Variants in UBE2G2 observed in about 807,000 individuals in gnomAD.
UBE2G2 encodes ubiquitin conjugating enzyme E2 G2.
UBE2G2 carries 10 observed loss-of-function variants against 23.0 expected under a neutral mutation model. The ratio of observed to expected loss-of-function variants is 0.43; its 90% CI spans 0.27 to 0.74. The LOEUF (loss-of-function observed/expected upper bound fraction) is 0.74, where lower values mean the gene tolerates loss of function less well. Among genes scored for constraint, UBE2G2 ranks in the 30% least tolerant of loss-of-function variants. The probability of loss-of-function intolerance (pLI) is 0.19; values close to 1 mark genes in which losing one functional copy is unlikely to be tolerated. For missense variants in UBE2G2, 150 were observed against 218.3 expected (o/e 0.69, Z 1.97); for synonymous variants, 86 against 81.3 (o/e 1.06, Z -0.31).
chr21:44,785,846 C>T (rs1249123037), intron 3 of UBE2G2: 4 of 152,196 alleles, frequency 2.6e-5, no homozygotes, highest in Non-Finnish European at 5.9e-5. Flanking sequence ...AGGGGAATTC[C>T]AAACTAATGC....
chr21:44,801,813 CG>C lies in UBE2G2; in HGVS notation c.-66del. The C allele has an allele frequency of 2.7e-6, 4 of 1,484,506 alleles. No individual in the cohort carries two copies. The highest frequency in any genetic ancestry group is 3.6e-6 in the Non-Finnish European group (4 of 1,122,382). 92.0% of individuals were successfully genotyped at this position (1,484,506 alleles called of 1,614,324 possible). On this transcript the variant is annotated 5_prime_UTR_variant, in exon 1 of 6. Coordinates refer to ENST00000345496, the MANE Select transcript of UBE2G2 (RefSeq NM_003343.6). ...GCGCGCGTGCCTCCTGCCCCGACAC[CG>C]GGGACTGCTTCCGGGCCACCGTCGC...
At chr21:44,790,192 T>C (rs781799213) in intron 1 of UBE2G2, among the ~76,000 whole-genome samples, 4 of 152,142 alleles carry the variant, frequency 2.6e-5, no homozygotes, top group Non-Finnish European at 4.4e-5. Context: ...ATGGCCAAAA[T>C]TAAAGACTTA....
intron 4 of UBE2G2, among the ~76,000 whole-genome samples, chr21:44,776,436 G>A (rs1555960584): frequency 6.6e-6 from 1 of 152,048 alleles, no homozygotes; most frequent in African/African-American, 2.4e-5. Context: ...TTTTTCAAGA[G>A]GAAATTATAA....
At chr21:44,776,174 T>C (rs1338973494) in intron 4 of UBE2G2, among the ~76,000 whole-genome samples, 1 of 152,066 alleles carries the variant, frequency 6.6e-6, no homozygotes, top group African/African-American at 2.4e-5. Context: ...AGGAAGAATG[T>C]AAAAGGAAAA....
intron 3 of UBE2G2, chr21:44,779,060 A>G (rs2082935609): frequency 5.9e-6 from 1 of 168,460 alleles, no homozygotes; most frequent in Admixed American, 6.2e-5. Context: ...ATTAATAACA[A>G]CAGACTTGGA....
chr21:44,779,896 C>G (rs1555961107), intron 3 of UBE2G2, among the ~76,000 whole-genome samples: 3 of 152,166 alleles, frequency 2.0e-5, no homozygotes, highest in Non-Finnish European at 1.5e-5. Flanking sequence ...AAGTCAGGCA[C>G]ATAAAGATAC....
chr21:44,775,415 G>A (rs540902024), intron 4 of UBE2G2: 1 of 152,190 alleles, frequency 6.6e-6, no homozygotes, highest in African/African-American at 2.4e-5. Flanking sequence ...GCTCACCACT[G>A]TATACCAGCA....
rs781868771 is a variant in UBE2G2 at position 44,797,740 on chromosome 21, A to AAAAAAAAG, written c.43+3965_43+3966insCTTTTTTT. On this transcript the variant is annotated intron_variant, in intron 1 of 5. Coordinates refer to ENST00000345496, the MANE Select transcript of UBE2G2 (RefSeq NM_003343.6). The stretch of plus-strand genomic sequence containing the variant: ...AAAAAAAAAAAAAAAAAAAAAAAAA[A>AAAAAAAAG]AGAGAAAATACCTGCTCACAGTCTA... Among the ~76,000 whole-genome samples, 150 of 114,352 alleles carry AAAAAAAAG rather than the reference A, an allele frequency of 1.3e-3. 10 individuals are homozygous for AAAAAAAAG. The highest frequency in any genetic ancestry group is 5.0e-3 in the Middle Eastern group (1 of 200). The allele number at this position is 114,352 out of a possible 152,430, so 75.0% of individuals were successfully genotyped here. A position where few individuals can be genotyped will look rare whatever the true frequency, so the allele number is the denominator to read the frequency against.
At chr21:44,789,881 G>C (rs2083030181) in intron 1 of UBE2G2, among the ~76,000 whole-genome samples, 1 of 152,024 alleles carries the variant, frequency 6.6e-6, no homozygotes, top group South Asian at 2.1e-4. Context: ...TTTATAAGAA[G>C]AAACGAGAGA....
chr21:44,798,440 T>C (rs1294940076), intron 1 of UBE2G2, among the ~76,000 whole-genome samples: 4 of 152,246 alleles, frequency 2.6e-5, no homozygotes, highest in African/African-American at 9.6e-5. Flanking sequence ...GACAGCACTT[T>C]ACCCACAGTG....
At chr21:44,785,074 T>C (rs151019860) in intron 3 of UBE2G2, among the ~76,000 whole-genome samples, 2 of 152,328 alleles carry the variant, frequency 1.3e-5, no homozygotes, top group East Asian at 1.9e-4. Flanking sequence ...TCACGGGCCA[T>C]GGACCCTAGA....
rs572194997 is a variant in UBE2G2 at position 44,784,840 on chromosome 21, G to A, written c.125+3080C>T. Among the ~76,000 whole-genome samples the A allele has an allele frequency of 2.6e-5, 4 of 152,336 alleles. No individual in the cohort carries two copies. In the East Asian group the frequency reaches 7.7e-4, roughly 29 times the overall value. ...CCACTGGTCTGGGGAGGTGACAGCA[G>A]TCAGGCATGAACCAGACAAGAAGGT... On this transcript the variant is annotated intron_variant, in intron 3 of 5. Transcript: ENST00000345496.
At position 44,773,587 on chromosome 21, in the gene UBE2G2, A is replaced by C; in HGVS notation, c.345T>G (p.Ser115Arg). The C allele has an allele frequency of 6.2e-7, 1 of 1,611,164 alleles. No homozygotes were observed. The highest frequency in any genetic ancestry group is 8.5e-7 in the Non-Finnish European group (1 of 1,179,890). ...SSAERWSPVQ[S>R]VEKILLSVVS... ...CCACCGACAGCAGGATCTTCTCCAC[A>C]CTCTGCACAGGACTCCACCGCTCCG... Residue 115 changes from serine (S) to arginine (R), a missense_variant, in exon 5 of 6, where the codon AGT becomes AGG. By Grantham distance (110) the Ser-to-Arg change is moderately radical. Coordinates refer to ENST00000345496, the MANE Select transcript of UBE2G2 (RefSeq NM_003343.6).
chr21:44,796,166 G>T (rs1555963733), intron 1 of UBE2G2, among the ~76,000 whole-genome samples: 1 of 152,244 alleles, frequency 6.6e-6, no homozygotes, highest in East Asian at 1.9e-4. Context: ...GCTGGATGAT[G>T]AATGAAGACA....
At chr21:44,776,959 A>C (rs2082917779) in intron 4 of UBE2G2, 1 of 198,828 alleles carries the variant, frequency 5.0e-6, no homozygotes, top group Non-Finnish European at 1.0e-5. Flanking sequence ...GTTAAGTCAA[A>C]ATTTTCACCA....
rs1420931043 is a variant in UBE2G2 at position 44,771,939 on chromosome 21, A to G, written c.386-450T>C. Among the ~76,000 whole-genome samples the G allele has an allele frequency of 6.6e-6, 1 of 152,028 alleles. No individual in the cohort carries two copies. The highest frequency in any genetic ancestry group is 1.5e-5 in the Non-Finnish European group (1 of 68,006). On this transcript the variant is annotated intron_variant, in intron 5 of 5. Transcript: ENST00000345496. This position sits in a 1 kb window ranked among gnomAD's most constrained non-coding sequence, Gnocchi z 4.6. The stretch of plus-strand genomic sequence containing the variant: ...AGCAAAACTGCCCCTCACAGCTCCT[A>G]CCAAGACAATCCCAAGCAAATGTGC...
At chr21:44,787,206 C>T (rs1417067099) in intron 3 of UBE2G2, among the ~76,000 whole-genome samples, 1 of 151,980 alleles carries the variant, frequency 6.6e-6, no homozygotes, top group African/African-American at 2.4e-5. Context: ...CTAAGAATGG[C>T]CAAAAATTGC....
In UBE2G2 at chr21:44,769,536, A is replaced by T. The variant is rs2082855833; in HGVS notation, c.*1841T>A. On this transcript the variant is annotated 3_prime_UTR_variant, in exon 6 of 6. Transcript: ENST00000345496. ...GCTGGGACTACAGGCGCCCGCCACC[A>T]CGCCCGGCTAATTTTTTGTATTTTT... The T allele has an allele frequency of 6.6e-6, 1 of 151,910 alleles. No homozygotes were observed. The highest frequency in any genetic ancestry group is 6.6e-5 in the Admixed American group (1 of 15,254). The allele number at this position is 151,910 out of a possible 1,614,324, so 9.4% of individuals were successfully genotyped here.
intron 5 of UBE2G2, 35 bp downstream of exon 5, chr21:44,773,512 C>T: frequency 6.3e-7 from 1 of 1,594,506 alleles, no homozygotes; most frequent in Non-Finnish European, 8.5e-7. Flanking sequence ...GCCTGGGTGT[C>T]CACGGCAGCT....
Sources: gnomAD v4.1 joint callset for allele counts (sites outside exome capture counted in the v4.1 genomes callset) on GRCh38, gnomAD v4.1.1 for gene constraint, Gnocchi (gnomAD v3.1) non-coding constraint, MANE v1.5 for transcripts, NCBI Gene and HGNC (gene_info 2026-07-23, HGNC 2026-07-21) for gene names.